The following SPOCK1 variants were observed in gnomAD, a reference collection of about 807,000 sequenced individuals.
SPOCK1 encodes the protein testican-1.
SPOCK1 carries 23 observed loss-of-function variants against 55.3 expected under a neutral mutation model. The observed-to-expected ratio is 0.42, with a 90% CI of 0.30 to 0.59. The LOEUF (loss-of-function observed/expected upper bound fraction) is 0.59. Among genes scored for constraint, SPOCK1 ranks in the 20% least tolerant of loss-of-function variants. The probability of loss-of-function intolerance (pLI) is 0.22; values close to 1 mark genes in which losing one functional copy is unlikely to be tolerated. For missense variants in SPOCK1, 499 were observed against 552.5 expected (o/e 0.90, Z 0.97); for synonymous variants, 226 against 221.0 (o/e 1.02, Z -0.20).
At chr5:137,084,158 A>T (rs1272648288) in intron 5 of SPOCK1, among the ~76,000 whole-genome samples, 1 of 152,052 alleles carries the variant, frequency 6.6e-6, no homozygotes, top group Admixed American at 6.5e-5. Flanking sequence ...ATGCAGACTC[A>T]GGAAGCTATG....
intron 2 of SPOCK1, among the ~76,000 whole-genome samples, chr5:137,348,471 G>GA (rs1433227166): frequency 6.6e-6 from 1 of 151,878 alleles, no homozygotes; most frequent in Non-Finnish European, 1.5e-5. Flanking sequence ...ATCCCAGAGG[G>GA]GTGGGGGTGG....
intron 2 of SPOCK1, among the ~76,000 whole-genome samples, chr5:137,470,160 C>A (rs576098045): frequency 6.6e-6 from 1 of 152,154 alleles, no homozygotes; most frequent in Admixed American, 6.5e-5. Flanking sequence ...GGATTTCCAT[C>A]CACAATGAAA....
chr5:137,422,472 C>G (rs1284664829), intron 2 of SPOCK1, among the ~76,000 whole-genome samples: 1 of 152,160 alleles, frequency 6.6e-6, no homozygotes, highest in Non-Finnish European at 1.5e-5. Context: ...TTCTTGGAGG[C>G]TTTGTTCATT....
intron 4 of SPOCK1, among the ~76,000 whole-genome samples, chr5:137,139,185 C>G (rs111609092): frequency 1.1e-4 from 17 of 152,272 alleles, no homozygotes; most frequent in African/African-American, 3.9e-4. Context: ...GCATCTTGCT[C>G]TTGTAGAGAC....
intron 5 of SPOCK1, among the ~76,000 whole-genome samples, chr5:137,091,184 T>G (rs557068829): frequency 6.6e-6 from 1 of 152,286 alleles, no homozygotes; most frequent in East Asian, 1.9e-4. Context: ...GGGCAGCCAG[T>G]AGGTCATTTC....
intron 2 of SPOCK1, among the ~76,000 whole-genome samples, chr5:137,280,790 A>G (rs1266135947): frequency 6.6e-6 from 1 of 152,220 alleles, no homozygotes; most frequent in African/African-American, 2.4e-5. Flanking sequence ...ACAGAAAAAC[A>G]ATATGAAAGA....
intron 5 of SPOCK1, among the ~76,000 whole-genome samples, chr5:137,075,160 A>G (rs572736396): frequency 2.0e-4 from 31 of 152,348 alleles, no homozygotes; most frequent in Middle Eastern, 6.8e-3. Flanking sequence ...TGACGGGTAT[A>G]CAGCATTCAT....
At chr5:137,152,158 C>T (rs532008259) in intron 3 of SPOCK1, among the ~76,000 whole-genome samples, 1 of 152,346 alleles carries the variant, frequency 6.6e-6, no homozygotes, top group South Asian at 2.1e-4. Flanking sequence ...ACTATAGGAA[C>T]TGGTAAGTGC....
chr5:137,227,282 T>C (rs1181343010), intron 3 of SPOCK1, among the ~76,000 whole-genome samples: 5 of 152,168 alleles, frequency 3.3e-5, no homozygotes, highest in African/African-American at 1.2e-4. Flanking sequence ...TGCCTCAACA[T>C]CTATTGTAGA....
chr5:137,116,754 C>T (rs947009848), intron 4 of SPOCK1, among the ~76,000 whole-genome samples: 4 of 152,136 alleles, frequency 2.6e-5, no homozygotes, highest in African/African-American at 9.7e-5. Flanking sequence ...TGTCTACCTG[C>T]TCCCCTCCCC....
At chr5:137,132,020 A>ATATATATATATATATATATATAT (rs1491415264) in intron 4 of SPOCK1, among the ~76,000 whole-genome samples, 1 of 84,276 alleles carries the variant, frequency 1.2e-5, no homozygotes, top group Non-Finnish European at 2.4e-5. Flanking sequence ...ATATATATAT[A>ATATATATATATATATATATATAT]AAAAATTAGC....
intron 3 of SPOCK1, among the ~76,000 whole-genome samples, chr5:137,158,337 G>T (rs1000579407): frequency 6.6e-6 from 1 of 152,186 alleles, no homozygotes; most frequent in African/African-American, 2.4e-5. Flanking sequence ...GGGTTTTCCA[G>T]CCTCTCGCAG....
intron 2 of SPOCK1, among the ~76,000 whole-genome samples, chr5:137,447,973 C>A (rs1019038733): frequency 4.6e-5 from 7 of 152,270 alleles, no homozygotes; most frequent in Non-Finnish European, 1.0e-4. Flanking sequence ...TACAGCCAGG[C>A]ACAGTGGTTC....
intron 2 of SPOCK1, among the ~76,000 whole-genome samples, chr5:137,317,399 C>T (rs185782579): frequency 6.6e-6 from 1 of 152,224 alleles, no homozygotes; most frequent in East Asian, 1.9e-4. Flanking sequence ...GGGATTCGTC[C>T]CTGACCTATA....
chr5:137,269,928 C>T (rs1280338110), intron 2 of SPOCK1, among the ~76,000 whole-genome samples: 1 of 152,094 alleles, frequency 6.6e-6, no homozygotes, highest in South Asian at 2.1e-4. Context: ...AAAAAAAAAT[C>T]TTATTTTCTA....
intron 2 of SPOCK1, among the ~76,000 whole-genome samples, chr5:137,448,760 T>C (rs1753185450): frequency 6.6e-6 from 1 of 152,198 alleles, no homozygotes; most frequent in South Asian, 2.1e-4. Flanking sequence ...AACATCAGGT[T>C]CTCCGTTGTT....
intron 2 of SPOCK1, among the ~76,000 whole-genome samples, chr5:137,482,722 C>T (rs913424105): frequency 2.0e-5 from 3 of 152,188 alleles, no homozygotes; most frequent in Non-Finnish European, 4.4e-5. Flanking sequence ...CAAGGATCAT[C>T]GCGTTGGAAA....
intron 2 of SPOCK1, among the ~76,000 whole-genome samples, chr5:137,333,888 A>C (rs576297493): frequency 6.6e-6 from 1 of 152,300 alleles, no homozygotes; most frequent in Non-Finnish European, 1.5e-5. Flanking sequence ...AATGACCTCT[A>C]CTACTACTTA....
At chr5:137,374,232 G>C (rs542517883) in intron 2 of SPOCK1, among the ~76,000 whole-genome samples, 1 of 152,358 alleles carries the variant, frequency 6.6e-6, no homozygotes, top group South Asian at 2.1e-4. Context: ...AGCCAGGGTA[G>C]AATAAAAGCC....
Sources: gnomAD v4.1 joint callset for allele counts (sites outside exome capture counted in the v4.1 genomes callset) on GRCh38, gnomAD v4.1.1 for gene constraint, MANE v1.5 for transcripts, NCBI Gene and HGNC (gene_info 2026-07-23, HGNC 2026-07-21) for gene names.